The following PLPP4 variants were observed in gnomAD, a reference collection of about 807,000 sequenced individuals.
PLPP4 encodes diacylglycerol pyrophosphate like 2.
A neutral mutation model predicts 32.2 loss-of-function variants in PLPP4; 20 were observed. The ratio of observed to expected loss-of-function variants is 0.62; its 90% CI spans 0.44 to 0.90. The LOEUF is 0.90. Among genes scored for constraint, PLPP4 ranks in the 40% least tolerant of loss-of-function variants. The pLI is 0.00. For synonymous variants in PLPP4, 127 were observed against 133.0 expected (o/e 0.95, Z 0.31); for missense variants, 257 against 353.1 (o/e 0.73, Z 2.18).
chr10:120,539,793 A>G lies in PLPP4; in HGVS notation c.445+18698A>G, dbSNP rs182398604. ...AGTTTTCTGGGTCATGAGGAACTCT[A>G]TATAATTTTGGGAGGAGTGAGGGAG... On this transcript the variant is annotated intron_variant, in intron 5 of 6. Coordinates refer to ENST00000398250, the MANE Select transcript of PLPP4 (RefSeq NM_001030059.3). 3.2e-4 allele frequency among the ~76,000 whole-genome samples: 48 copies of G among 152,208 alleles called. 1 individual carries two copies. In the South Asian group the frequency reaches 4.1e-3, roughly 13 times the overall value.
intron 1 of PLPP4, 128 bp from the exon 2 acceptor site, chr10:120,503,690 C>T: frequency 1.9e-6 from 3 of 1,589,012 alleles, no homozygotes; most frequent in Non-Finnish European, 2.6e-6. Context: ...ACAGCAGGGC[C>T]TGTCTCTTTC....
At chr10:120,457,390 G>A in intron 1 of PLPP4, 29 bp downstream of exon 1, 1 of 1,523,454 alleles carries the variant, frequency 6.6e-7, no homozygotes, top group African/African-American at 1.4e-5. Context: ...CGGGCAGGGC[G>A]CACTGACGCG....
intron 5 of PLPP4, among the ~76,000 whole-genome samples, chr10:120,559,130 T>A (rs1848301120): frequency 1.3e-5 from 2 of 152,212 alleles, no homozygotes; most frequent in African/African-American, 4.8e-5. Context: ...GTTTAATGGA[T>A]CTTAGCTTTT....
chr10:120,582,528 C>A (rs1194889461), intron 6 of PLPP4, among the ~76,000 whole-genome samples: 1 of 151,580 alleles, frequency 6.6e-6, no homozygotes, highest in Non-Finnish European at 1.5e-5. Flanking sequence ...AATAAGGTCA[C>A]ATTCTGAGGT....
At chr10:120,581,861 A>G (rs1849530553) in intron 6 of PLPP4, among the ~76,000 whole-genome samples, 1 of 152,242 alleles carries the variant, frequency 6.6e-6, no homozygotes, top group South Asian at 2.1e-4. Flanking sequence ...TTTATTATGT[A>G]TTGATTATTA....
chr10:120,529,791 C>CA (rs917255634), intron 5 of PLPP4, among the ~76,000 whole-genome samples: 12 of 152,116 alleles, frequency 7.9e-5, no homozygotes, highest in African/African-American at 2.4e-4. Flanking sequence ...ATAAAAGAAA[C>CA]AAAAAAATGT....
rs536772653 is a variant in PLPP4, at chr10:120,491,873, A to C, written c.57-11945A>C. On this transcript the variant is annotated intron_variant, in intron 1 of 6. Coordinates refer to ENST00000398250, the MANE Select transcript of PLPP4 (RefSeq NM_001030059.3). ...CAACAACAAACATACAAGCAAACAAAAAAACCCAAGTGATCTCCCATTACT... is the reference window on the plus strand; with the variant it reads ...CAACAACAAACATACAAGCAAACAACAAAACCCAAGTGATCTCCCATTACT... 1.1e-4 allele frequency among the ~76,000 whole-genome samples: 17 copies of C among 152,346 alleles called. No homozygotes were observed. The South Asian group carries it at 3.5e-3, about 32-fold the overall frequency.
chr10:120,475,302 G>T (rs1843848844), intron 1 of PLPP4, among the ~76,000 whole-genome samples: 1 of 148,578 alleles, frequency 6.7e-6, no homozygotes, highest in Non-Finnish European at 1.5e-5. Context: ...GAGCCTCCTT[G>T]TTGCTCAGTG....
chr10:120,535,311 T>C (rs1173002487), intron 5 of PLPP4, among the ~76,000 whole-genome samples: 1 of 152,184 alleles, frequency 6.6e-6, no homozygotes, highest in African/African-American at 2.4e-5. Context: ...TTTTTAGTTT[T>C]ATTGTGAATA....
intron 5 of PLPP4, among the ~76,000 whole-genome samples, chr10:120,548,059 T>C (rs1428357925): frequency 6.6e-6 from 1 of 152,166 alleles, no homozygotes. Context: ...TAGATGGCAA[T>C]TGTTTAAAAT....
chr10:120,464,578 G>T (rs1200730855), intron 1 of PLPP4, among the ~76,000 whole-genome samples: 1 of 152,178 alleles, frequency 6.6e-6, no homozygotes, highest in Admixed American at 6.5e-5. Flanking sequence ...TGTCTGATGG[G>T]GTGGGCTGGT....
At chr10:120,553,502 T>A (rs1430771585) in intron 5 of PLPP4, among the ~76,000 whole-genome samples, 1 of 152,190 alleles carries the variant, frequency 6.6e-6, no homozygotes, top group Non-Finnish European at 1.5e-5. Context: ...CCTCCAGAAC[T>A]GGGAGAAATA....
At chr10:120,496,568 G>A (rs189616196) in intron 1 of PLPP4, among the ~76,000 whole-genome samples, 23 of 152,216 alleles carry the variant, frequency 1.5e-4, no homozygotes, top group East Asian at 5.8e-4. Flanking sequence ...GTTCTGATGC[G>A]TACAAGCAAA....
At chr10:120,496,052 A>G (rs904779533) in intron 1 of PLPP4, among the ~76,000 whole-genome samples, 4 of 152,234 alleles carry the variant, frequency 2.6e-5, no homozygotes, top group African/African-American at 9.6e-5. Context: ...TAATGATCTG[A>G]TCTGGTTTAT....
chr10:120,589,754 A>ACCACCGAGATCTACAC lies in PLPP4; in HGVS notation c.*252_*253insCCACCGAGATCTACAC. On this transcript the variant is annotated 3_prime_UTR_variant, in exon 7 of 7. Coordinates refer to ENST00000398250, the MANE Select transcript of PLPP4 (RefSeq NM_001030059.3). ...GAGGCTGTGAAGGTGGGGTTTGGGG[A>ACCACCGAGATCTACAC]GCTTGGCCGATTCGTCTATCTGAAA... 1 of 456,662 alleles carries ACCACCGAGATCTACAC rather than the reference A, an allele frequency of 2.2e-6. No homozygotes were observed. Among genetic ancestry groups the ACCACCGAGATCTACAC allele is most frequent in the Admixed American group, 3.9e-5 (1 of 25,676 alleles). The allele number at this position is 456,662 out of a possible 1,614,324, so 28.3% of individuals were successfully genotyped here. A position where few individuals can be genotyped will look rare whatever the true frequency, so the allele number is the denominator to read the frequency against.
intron 1 of PLPP4, among the ~76,000 whole-genome samples, chr10:120,486,593 C>T (rs192488283): frequency 1.0e-3 from 155 of 152,310 alleles, no homozygotes; most frequent in African/African-American, 3.6e-3. Flanking sequence ...AGCTGTTACA[C>T]GTTATATTAT....
chr10:120,508,180 T>C (rs1477936570), intron 2 of PLPP4, among the ~76,000 whole-genome samples: 1 of 152,176 alleles, frequency 6.6e-6, no homozygotes, highest in Non-Finnish European at 1.5e-5. Flanking sequence ...TAAAGTCATT[T>C]TGGGGAGGAA....
chr10:120,543,289 T>A (rs1015836876), intron 5 of PLPP4, among the ~76,000 whole-genome samples: 8 of 152,286 alleles, frequency 5.3e-5, no homozygotes, highest in African/African-American at 1.9e-4. Context: ...GGATGTTGCC[T>A]GTGGATGGTA....
At chr10:120,581,542 G>A (rs938234800) in intron 6 of PLPP4, among the ~76,000 whole-genome samples, 7 of 152,254 alleles carry the variant, frequency 4.6e-5, no homozygotes, top group South Asian at 2.1e-4. Context: ...TGCTCCCTCC[G>A]TACTTCTTTG....
Sources: allele counts gnomAD v4.1 joint callset (sites outside exome capture counted in the v4.1 genomes callset), GRCh38; gene constraint gnomAD v4.1.1; transcripts MANE v1.5; gene names NCBI Gene and HGNC (gene_info 2026-07-23, HGNC 2026-07-21).